Variants in HELLS observed in about 807,000 individuals in gnomAD.
HELLS encodes the protein lymphoid-specific helicase.
In HELLS, 32 loss-of-function variants were observed where a neutral mutation model predicts 120.0. The ratio of observed to expected loss-of-function variants is 0.27; its 90% CI spans 0.20 to 0.36. The LOEUF is 0.36. Ranked by LOEUF, HELLS falls within the 10% of genes least tolerant of loss-of-function variation. The pLI is 1.00. For synonymous variants in HELLS, 341 were observed against 323.4 expected, an observed-to-expected ratio of 1.05 and a Z score of -0.58; for missense variants, 650 against 993.4, an observed-to-expected ratio of 0.65 and a Z score of 4.65.
chr10:94,585,606 A>G (rs1462575377), intron 12 of HELLS, among the ~76,000 whole-genome samples: 1 of 148,868 alleles, frequency 6.7e-6, no homozygotes, highest in Non-Finnish European at 1.5e-5. Flanking sequence ...CTGGTCTTAA[A>G]CTCCTGACCT....
intron 6 of HELLS, among the ~76,000 whole-genome samples, chr10:94,567,412 C>A (rs956667069): frequency 6.6e-6 from 1 of 152,162 alleles, no homozygotes; most frequent in East Asian, 1.9e-4. Context: ...GATTCTCCTG[C>A]CTCAGCCTTC....
chr10:94,605,870 A>G (rs981286316), downstream of HELLS, among the ~76,000 whole-genome samples: 6 of 151,602 alleles, frequency 4.0e-5, no homozygotes, highest in East Asian at 1.9e-4. Context: ...GGCTCCAGCA[A>G]TTCCCCCCGG....
intron 21 of HELLS, among the ~76,000 whole-genome samples, chr10:94,600,857 T>A (rs536049118): frequency 6.6e-6 from 1 of 152,268 alleles, no homozygotes; most frequent in Admixed American, 6.5e-5. Flanking sequence ...ATAAGACAGA[T>A]GACACCATAA....
In HELLS at chr10:94,592,469, C is replaced by T; in HGVS notation, c.1926C>T (p.Phe642=). ...ACTGCCATCTCAGAGATTTCAACTT[C>T]AGCAGGCTTGATGGGTCCATGTCTT... ...MDYCHLRDFN[F]SRLDGSMSYS... is the part of the protein sequence containing the mutation. The change falls in exon 17 of 22, where the codon TTC becomes TTT. Residue 642 remains phenylalanine (F), a synonymous_variant. Transcript: ENST00000348459. 6.3e-7 allele frequency: 1 copy of T among 1,578,210 alleles called. No homozygotes were observed. The highest frequency in any genetic ancestry group is 1.4e-5 in the African/African-American group (1 of 73,034).
intron 2 of HELLS, among the ~76,000 whole-genome samples, chr10:94,552,384 C>CA (rs1435022909): frequency 6.6e-6 from 1 of 152,174 alleles, no homozygotes; most frequent in South Asian, 2.1e-4. Flanking sequence ...CAGTAATTGA[C>CA]AAAACTTGAG....
At chr10:94,570,023 GTTTTTTTATTTT>G (rs1004965918) in intron 6 of HELLS, 4 of 149,948 alleles carry the variant, frequency 2.7e-5, no homozygotes, top group Admixed American at 6.6e-5. Flanking sequence ...TGATTAAGGT[GTTTTTTTATTTT>G]TTTTTTTATT....
chr10:94,586,065 T>C (rs764246976), intron 12 of HELLS, among the ~76,000 whole-genome samples: 1 of 152,128 alleles, frequency 6.6e-6, no homozygotes, highest in Non-Finnish European at 1.5e-5. Context: ...TAGAAAAATA[T>C]CTGGTTATTT....
rs868360179 is a variant in HELLS, at chr10:94,583,127, A to C, written c.1326+68A>C. 1.4e-5 allele frequency: 11 copies of C among 760,782 alleles called. No individual in the cohort carries two copies. In the Middle Eastern group the frequency reaches 2.4e-3, roughly 167 times the overall value. The allele number at this position is 760,782 out of a possible 1,614,324, so 47.1% of individuals were successfully genotyped here. On this transcript the variant is annotated intron_variant, in intron 12 of 21. Transcript: ENST00000348459. Reference sequence around the variant, plus strand: ...GAGTATAAAAGGAACTCTGGAGATCACCTGTCTAACCCTTTGTAGTAGAGA... The same window carrying C: ...GAGTATAAAAGGAACTCTGGAGATCCCCTGTCTAACCCTTTGTAGTAGAGA...
At chr10:94,595,841 A>G (rs756119671) in intron 19 of HELLS, among the ~76,000 whole-genome samples, 1 of 152,246 alleles carries the variant, frequency 6.6e-6, no homozygotes, top group Admixed American at 6.5e-5. Flanking sequence ...GTGAAAAGTA[A>G]TGTTGGAAAT....
chr10:94,594,646 T>G (rs1230067532), intron 18 of HELLS, 49 bp from the exon 19 acceptor site: 1 of 1,418,518 alleles, frequency 7.0e-7, no homozygotes. Context: ...GAGTTTATGT[T>G]AATTTTAACC....
chr10:94,574,873 A>G (rs1844355045), intron 9 of HELLS, 137 bp downstream of exon 9: 4 of 639,048 alleles, frequency 6.3e-6, no homozygotes, highest in African/African-American at 3.6e-5. Context: ...GACTTACTCA[A>G]TCTGCACAAT....
chr10:94,601,438 C>A, intron 21 of HELLS, 90 bp from the exon 22 acceptor site: 1 of 722,594 alleles, frequency 1.4e-6, no homozygotes, highest in Non-Finnish European at 2.4e-6. Context: ...ACAGATGACT[C>A]ACTTCTCATA....
At chr10:94,590,352 C>T in intron 13 of HELLS, 61 bp from the exon 14 acceptor site, 2 of 1,402,598 alleles carry the variant, frequency 1.4e-6, no homozygotes, top group Non-Finnish European at 9.7e-7. Flanking sequence ...ATTTTGTTTA[C>T]ATTTAGAACC....
rs1309700098 is a variant in HELLS, at chr10:94,589,300, C to T, written c.1488+910C>T. 2.6e-5 allele frequency among the ~76,000 whole-genome samples: 4 copies of T among 152,180 alleles called. No individual in the cohort carries two copies. In the East Asian group the frequency reaches 7.7e-4, roughly 29 times the overall value. On this transcript the variant is annotated intron_variant, in intron 13 of 21. Coordinates refer to ENST00000348459, the MANE Select transcript of HELLS (RefSeq NM_018063.5). ...AAGGACTTGGCAACTAGACTAATCT[C>T]CAGATATACAGATTGAGCATCCAAA...
intron 9 of HELLS, among the ~76,000 whole-genome samples, chr10:94,609,566 T>G (rs541004676): frequency 1.3e-5 from 2 of 152,360 alleles, no homozygotes; most frequent in Non-Finnish European, 2.9e-5. Context: ...ATCAGTTACA[T>G]GTATATCTTG....
At chr10:94,609,593 A>G (rs1360046947) in intron 9 of HELLS, among the ~76,000 whole-genome samples, 1 of 152,194 alleles carries the variant, frequency 6.6e-6, no homozygotes, top group Non-Finnish European at 1.5e-5. Context: ...TTAAGTCTCT[A>G]CCATTTATTA....
intron 6 of HELLS, among the ~76,000 whole-genome samples, chr10:94,566,623 A>G (rs542695037): frequency 2.0e-5 from 3 of 151,992 alleles, no homozygotes; most frequent in South Asian, 4.2e-4. Context: ...ATCTGTGGGC[A>G]TAGTAGTTTT....
In HELLS at chr10:94,612,974, G is replaced by GCTAC. The variant is rs530357312; in HGVS notation, c.*3126_*3129dup. 2.1e-4 allele frequency: 32 copies of GCTAC among 152,312 alleles called. No individual in the cohort carries two copies. The East Asian group carries it at 5.0e-3, about 24-fold the overall frequency. The allele number at this position is 152,312 out of a possible 1,614,324, so 9.4% of individuals were successfully genotyped here. A position where few individuals can be genotyped will look rare whatever the true frequency, so the allele number is the denominator to read the frequency against. The stretch of plus-strand genomic sequence containing the variant: ...TTTGACAACTTGGTATGTAGGATGT[G>GCTAC]CTACCTCTAATGTTCCATGCTGTTA... On this transcript the variant is annotated 3_prime_UTR_variant, in exon 10 of 10. Transcript: ENST00000371327.
intron 4 of HELLS, among the ~76,000 whole-genome samples, chr10:94,560,369 C>T (rs1564582468): frequency 1.3e-5 from 2 of 152,154 alleles, no homozygotes; most frequent in African/African-American, 4.8e-5. Flanking sequence ...AAGTATTTTG[C>T]AGACTGTTTT....
Sources: gnomAD v4.1 joint callset for allele counts (sites outside exome capture counted in the v4.1 genomes callset) on GRCh38, gnomAD v4.1.1 for gene constraint, MANE v1.5 for transcripts, NCBI Gene and HGNC (gene_info 2026-07-23, HGNC 2026-07-21) for gene names.